The following DAB1 variants were observed in gnomAD, a reference collection of about 807,000 sequenced individuals.
DAB1 encodes the protein DAB adaptor protein 1, also known as disabled homolog 1.
In DAB1, 15 loss-of-function variants were observed where a neutral mutation model predicts 64.6. The ratio of observed to expected loss-of-function variants is 0.23; its 90% CI spans 0.16 to 0.36. The LOEUF is 0.36. Ranked by LOEUF, DAB1 falls within the 10% of genes least tolerant of loss-of-function variation. The pLI is 1.00. For missense variants in DAB1, 596 were observed against 706.7 expected, an observed-to-expected ratio of 0.84 and a Z score of 1.78; for synonymous variants, 235 against 251.9, an observed-to-expected ratio of 0.93 and a Z score of 0.64.
At chr1:57,452,394 G>C (rs1686418576) in intron 7 of DAB1, among the ~76,000 whole-genome samples, 1 of 151,972 alleles carries the variant, frequency 6.6e-6, no homozygotes, top group African/African-American at 2.4e-5. Context: ...ATGGTCAGTG[G>C]GCATTAATGG....
intron 3 of DAB1, among the ~76,000 whole-genome samples, chr1:58,362,885 A>C (rs755174469): frequency 1.1e-4 from 16 of 152,222 alleles, no homozygotes; most frequent in Non-Finnish European, 1.9e-4. Flanking sequence ...ACAAAATACC[A>C]TTGACTGGGT....
chr1:57,187,216 A>G (rs904213815), intron 2 of DAB1, among the ~76,000 whole-genome samples: 18 of 152,134 alleles, frequency 1.2e-4, no homozygotes, highest in Non-Finnish European at 2.6e-4. Context: ...TCCTTTGACC[A>G]CTAGGAAGCT....
intron 7 of DAB1, among the ~76,000 whole-genome samples, chr1:57,482,963 G>A (rs1180492173): frequency 6.6e-6 from 1 of 152,112 alleles, no homozygotes; most frequent in African/African-American, 2.4e-5. Flanking sequence ...AGTAACTCAA[G>A]ATAGAAGAAA....
intron 1 of DAB1, among the ~76,000 whole-genome samples, chr1:57,359,868 T>C (rs530636256): frequency 2.6e-5 from 4 of 151,940 alleles, no homozygotes; most frequent in Non-Finnish European, 5.9e-5. Context: ...CTCACTAACA[T>C]GTGGAATCTA....
At chr1:57,382,323 T>G (rs929838322) in intron 1 of DAB1, among the ~76,000 whole-genome samples, 2 of 152,202 alleles carry the variant, frequency 1.3e-5, no homozygotes, top group African/African-American at 4.8e-5. Context: ...GTCAGTTTCC[T>G]CTTAATGAGG....
At chr1:57,178,188 T>C (rs1044670608) in intron 2 of DAB1, among the ~76,000 whole-genome samples, 1 of 151,950 alleles carries the variant, frequency 6.6e-6, no homozygotes, top group Non-Finnish European at 1.5e-5. Context: ...ATTGGTAATA[T>C]ATAATAAAGC....
intron 7 of DAB1, among the ~76,000 whole-genome samples, chr1:57,513,378 A>G (rs1258493540): frequency 1.6e-4 from 24 of 152,132 alleles, no homozygotes. Flanking sequence ...CCTCATTAAC[A>G]GTACTTATAT....
intron 4 of DAB1, among the ~76,000 whole-genome samples, chr1:57,101,301 T>C (rs887523524): frequency 6.6e-6 from 1 of 152,250 alleles, no homozygotes; most frequent in Admixed American, 6.5e-5. Flanking sequence ...GTAATTACTT[T>C]GGTATTTGAA....
intron 4 of DAB1, among the ~76,000 whole-genome samples, chr1:58,334,072 C>T (rs77077671): frequency 1.9e-4 from 29 of 152,192 alleles, no homozygotes; most frequent in African/African-American, 3.9e-4. Flanking sequence ...CTGTACAAAC[C>T]GGGGAAGGAA....
intron 2 of DAB1, among the ~76,000 whole-genome samples, chr1:58,520,491 A>G (rs981150884): frequency 1.3e-5 from 2 of 152,226 alleles, no homozygotes; most frequent in African/African-American, 4.8e-5. Context: ...ATAAATAATT[A>G]CAAATAAGAA....
chr1:58,527,268 G>A, exon 2 of DAB1: 1 of 872,254 alleles, frequency 1.1e-6, no homozygotes, highest in Non-Finnish European at 2.0e-6. Context: ...TACCTTTGCA[G>A]CAAGCAGTAG....
At chr1:58,166,001 TAGTA>T (rs1655811300) in intron 4 of DAB1, among the ~76,000 whole-genome samples, 1 of 152,170 alleles carries the variant, frequency 6.6e-6, no homozygotes, top group Non-Finnish European at 1.5e-5. Flanking sequence ...GACACATGGT[TAGTA>T]AGTAAGTGGA....
At chr1:57,949,881 C>T (rs1462449487) in intron 5 of DAB1, among the ~76,000 whole-genome samples, 1 of 152,104 alleles carries the variant, frequency 6.6e-6, no homozygotes, top group Non-Finnish European at 1.5e-5. Flanking sequence ...CTGGGGTTGT[C>T]CCTTTTAAAG....
At chr1:57,426,060 T>C (rs1235304975), upstream of DAB1, among the ~76,000 whole-genome samples, 1 of 152,208 alleles carries the variant, frequency 6.6e-6, no homozygotes, top group African/African-American at 2.4e-5. Flanking sequence ...CAGGTCTAAA[T>C]TCTCATTGAC....
In DAB1 at chr1:58,057,473, C is replaced by G. The variant is rs565673794; in HGVS notation, n.387+93038G>C. 3.3e-5 allele frequency among the ~76,000 whole-genome samples: 5 copies of G among 152,226 alleles called. No homozygotes were observed. In the South Asian group the frequency reaches 1.0e-3, roughly 32 times the overall value. On this transcript the variant is annotated intron_variant and non_coding_transcript_variant, in intron 5 of 20. Transcript: ENST00000485760. ...CTAGACCAATAGGACAAATTAGAAA[C>G]CACCCTAATCCAATAACTGTTGTCT...
intron 3 of DAB1, among the ~76,000 whole-genome samples, chr1:58,385,248 T>A (rs985599887): frequency 6.6e-6 from 1 of 152,234 alleles, no homozygotes; most frequent in Non-Finnish European, 1.5e-5. Context: ...AGTTTTTGTA[T>A]ACCCATTATG....
chr1:58,250,307 C>A (rs185680151), intron 4 of DAB1, among the ~76,000 whole-genome samples: 1 of 152,190 alleles, frequency 6.6e-6, no homozygotes, highest in South Asian at 2.1e-4. Flanking sequence ...CAGTAGAGGG[C>A]GAGCGGGCTC....
At chr1:57,358,984 A>G in intron 1 of DAB1, among the ~76,000 whole-genome samples, 1 of 152,202 alleles carries the variant, frequency 6.6e-6, no homozygotes, top group South Asian at 2.1e-4. Context: ...TATTAATCAA[A>G]ACTACAAAAC....
intron 5 of DAB1, among the ~76,000 whole-genome samples, chr1:58,101,796 C>T (rs1164800248): frequency 6.6e-6 from 1 of 152,150 alleles, no homozygotes; most frequent in East Asian, 1.9e-4. Flanking sequence ...AGATCCCAAA[C>T]AGAAGAGTAA....
Sources: gnomAD v4.1 joint callset for allele counts (sites outside exome capture counted in the v4.1 genomes callset) on GRCh38, gnomAD v4.1.1 for gene constraint, MANE v1.5 for transcripts, NCBI Gene and HGNC (gene_info 2026-07-23, HGNC 2026-07-21) for gene names.